Variants in ZSWIM4 observed in about 807,000 individuals in gnomAD.
ZSWIM4 encodes zinc finger SWIM domain-containing protein 4.
ZSWIM4 carries 62 observed loss-of-function variants against 102.5 expected under a neutral mutation model. That is an observed-to-expected ratio of 0.60 (90% confidence interval 0.49 to 0.75). ZSWIM4 has a LOEUF of 0.75. ZSWIM4 is among the 30% of genes least tolerant of loss of function. The probability of loss-of-function intolerance (pLI) is 0.00; values close to 1 mark genes in which losing one functional copy is unlikely to be tolerated. For missense variants in ZSWIM4, 1,280 were observed against 1,529.6 expected (o/e 0.84, Z 2.72); for synonymous variants, 652 against 674.5 (o/e 0.97, Z 0.52).
Position 13,809,007 on chromosome 19 carries a change from G to A in ZSWIM4, c.861+23G>A, listed in dbSNP as rs1052603571. ...AAGGTGCCGTGCGGGCCGGCGGGGC[G>A]CGGGGTGCAGAAGGCCCCGGCGGAC... is the stretch of plus-strand genomic sequence containing the variant. On this transcript the variant is annotated intron_variant, in intron 4 of 13. Transcript: ENST00000590508. The surrounding 1 kb of genome is among the most constrained non-coding windows in gnomAD (Gnocchi z 4.2). 1 of 1,609,174 alleles carries A rather than the reference G, an allele frequency of 6.2e-7. No individual in the cohort carries two copies. Among genetic ancestry groups the A allele is most frequent in the Non-Finnish European group, 8.5e-7 (1 of 1,176,724 alleles).
chr19:13,817,882 C>A lies in ZSWIM4; in HGVS notation c.1830C>A (p.Arg610=). 1 of 1,551,216 alleles carries A rather than the reference C, an allele frequency of 6.4e-7. No individual in the cohort carries two copies. The highest frequency in any genetic ancestry group is 8.7e-7 in the Non-Finnish European group (1 of 1,146,916). ...EGLYAQDKVV[R]NEEQLLALLE... ...TGTACGCCCAGGACAAGGTGGTGCGCAACGAGGAGCAGCTGCTGGCCCTGC... is the reference window on the plus strand; with the variant it reads ...TGTACGCCCAGGACAAGGTGGTGCGAAACGAGGAGCAGCTGCTGGCCCTGC... Residue 610 remains arginine, a synonymous_variant, in exon 9 of 14, where the codon CGC becomes CGA. Transcript: ENST00000590508.
In ZSWIM4 at chr19:13,831,088, C is replaced by A. The variant is rs771067856; in HGVS notation, c.*38C>A. 2.6e-6 allele frequency: 4 copies of A among 1,519,758 alleles called. No individual in the cohort carries two copies. Among genetic ancestry groups the A allele is most frequent in the Non-Finnish European group, 2.6e-6 (3 of 1,140,658 alleles). 94.1% of individuals were successfully genotyped at this position (1,519,758 alleles called of 1,614,324 possible). ...TGCGTGGGAGTGGGGATCCCCCTCG[C>A]CCCTGCGTCCCCCACCCTTGCTCTC... On this transcript the variant is annotated 3_prime_UTR_variant, in exon 14 of 14. Transcript: ENST00000590508.
Position 13,804,980 on chromosome 19 carries a change from G to A in ZSWIM4, c.544G>A (p.Val182Met), listed in dbSNP as rs1974878407. ...GTACCGCATTCGGCACGCCCACCAG[G>A]TGGAGCTGCGGCTGCCCATCTCCGA... Reference protein sequence around the residue: ...SLYRIRHAHQVELRLPISETL... With the variant: ...SLYRIRHAHQMELRLPISETL... The change falls in exon 3 of 14, where the codon GTG becomes ATG. Residue 182 changes from valine to methionine, a missense_variant. Val to Met is a conservative substitution (Grantham distance 21, BLOSUM62 1). Transcript: ENST00000590508. The A allele has an allele frequency of 6.2e-7, 1 of 1,613,020 alleles. No individual in the cohort carries two copies. Among genetic ancestry groups the A allele is most frequent in the Non-Finnish European group, 8.5e-7 (1 of 1,180,032 alleles).
chr19:13,819,902 G>A (rs377357633), intron 10 of ZSWIM4, among the ~76,000 whole-genome samples: 1 of 149,640 alleles, frequency 6.7e-6, no homozygotes, highest in African/African-American at 2.5e-5. Context: ...GGAGTGCAGT[G>A]GCGCGATCTC....
At chr19:13,811,504 C>T (rs902220171) in intron 5 of ZSWIM4, among the ~76,000 whole-genome samples, 33 of 151,186 alleles carry the variant, frequency 2.2e-4, no homozygotes, top group South Asian at 4.2e-4. Flanking sequence ...CACTCCAGCC[C>T]GGGCAACAGA....
intron 12 of ZSWIM4, among the ~76,000 whole-genome samples, chr19:13,827,102 TAGTG>T (rs1434477649): frequency 1.3e-5 from 2 of 151,186 alleles, no homozygotes; most frequent in African/African-American, 4.9e-5. Context: ...CTGGACAACA[TAGTG>T]AGACCCCCAT....
At chr19:13,827,325 C>T (rs561830456) in intron 12 of ZSWIM4, among the ~76,000 whole-genome samples, 35 of 151,724 alleles carry the variant, frequency 2.3e-4, no homozygotes, top group South Asian at 1.3e-3. Context: ...GAAGTTGGGG[C>T]CAGGCCCTGT....
At position 13,817,221 on chromosome 19, in the gene ZSWIM4, C is replaced by T; in HGVS notation, c.1537C>T (p.Leu513Phe). 3.7e-6 allele frequency: 6 copies of T among 1,612,282 alleles called. No individual in the cohort carries two copies. The highest frequency in any genetic ancestry group is 1.7e-5 in the Admixed American group (1 of 59,912). The change falls in exon 8 of 14, where the codon CTC becomes TTC. Residue 513 changes from leucine (L) to phenylalanine (F), a missense_variant. Physicochemically the swap from Leu to Phe is conservative, Grantham distance 22 (BLOSUM62 0). Transcript: ENST00000590508. ...ESYKQQKKEL[L>F]QKGSTCITNT... ...CCCCCTCTTTCCACCTGCAGAGCTG[C>T]TCCAGAAGGGCTCCACCTGCATCAC...
intron 3 of ZSWIM4, among the ~76,000 whole-genome samples, chr19:13,806,738 G>A (rs909542922): frequency 2.0e-5 from 3 of 152,066 alleles, no homozygotes; most frequent in Non-Finnish European, 4.4e-5. Flanking sequence ...GTTGGGTGGG[G>A]AGGGCTTTGA....
intron 2 of ZSWIM4, among the ~76,000 whole-genome samples, chr19:13,802,647 T>C (rs531032136): frequency 6.6e-6 from 1 of 151,002 alleles, no homozygotes; most frequent in East Asian, 2.0e-4. Context: ...GGCGCGATAA[T>C]AGCTCACTGC....
rs186368011 is a variant in ZSWIM4 at position 13,830,082 on chromosome 19, A to G, written c.2462-109A>G. 6.1e-5 allele frequency: 83 copies of G among 1,370,688 alleles called. No individual in the cohort carries two copies. The African/African-American group carries it at 1.0e-3, about 17-fold the overall frequency. The allele number at this position is 1,370,688 out of a possible 1,614,324, so 84.9% of individuals were successfully genotyped here. A position where few individuals can be genotyped will look rare whatever the true frequency, so the allele number is the denominator to read the frequency against. On this transcript the variant is annotated intron_variant, in intron 13 of 13. Coordinates refer to ENST00000590508, the MANE Select transcript of ZSWIM4 (RefSeq NM_001367834.3). ...TTTGGAAAGGAAGTTTCTGTTCAGCATGGTGTGGAGGTGGAAGTGGAGGTG... is the reference window on the plus strand; with the variant it reads ...TTTGGAAAGGAAGTTTCTGTTCAGCGTGGTGTGGAGGTGGAAGTGGAGGTG...
At chr19:13,815,692 G>A (rs896524407) in intron 7 of ZSWIM4, among the ~76,000 whole-genome samples, 66 of 148,850 alleles carry the variant, frequency 4.4e-4, no homozygotes, top group Admixed American at 1.8e-3. Flanking sequence ...GGCTCTTCTC[G>A]AACTCCTGAC....
chr19:13,804,718 G>A (rs549044852), intron 2 of ZSWIM4, 74 bp from the exon 3 acceptor site: 70 of 1,266,880 alleles, frequency 5.5e-5, no homozygotes, highest in South Asian at 2.0e-4. Context: ...CTTTGCAACC[G>A]GGTCTTGCTG....
At position 13,814,519 on chromosome 19, in the gene ZSWIM4, G is replaced by A. The variant is rs758317724; in HGVS notation, c.1185G>A (p.Ser395=). ...ATGTTGGGTGCCTCTCTGCAGGCTC[G>A]GAGGAAGAGGAAGAGGTGGCAGCCA... The part of the protein sequence containing the change: ...LQPTMAPAPG[S]EEEEEVAATS... The change falls in exon 7 of 14, where the codon TCG becomes TCA. Residue 395 remains serine (S), a synonymous_variant. Transcript: ENST00000590508. 17 of 1,158,814 alleles carry A rather than the reference G, an allele frequency of 1.5e-5. No homozygotes were observed. In the Admixed American group the frequency reaches 2.2e-4, roughly 15 times the overall value. The allele number at this position is 1,158,814 out of a possible 1,614,324, so 71.8% of individuals were successfully genotyped here.
chr19:13,802,006 C>T (rs1282618155), intron 2 of ZSWIM4, among the ~76,000 whole-genome samples: 87 of 90,706 alleles, frequency 9.6e-4, no homozygotes, highest in East Asian at 2.5e-3. Context: ...GATGGAGTCT[C>T]ACTCTGTTGC....
At chr19:13,816,049 G>GGGAA (rs1238286726) in intron 7 of ZSWIM4, among the ~76,000 whole-genome samples, 2 of 149,802 alleles carry the variant, frequency 1.3e-5, no homozygotes, top group African/African-American at 2.5e-5. Flanking sequence ...GGAGAGAGAG[G>GGGAA]GGAAGGAAGG....
In ZSWIM4 at chr19:13,830,441, G is replaced by A. The variant is rs138305620; in HGVS notation, c.2712G>A (p.Ala904=). The change falls in exon 14 of 14, where the codon GCG becomes GCA. Residue 904 remains alanine (A), a synonymous_variant. Transcript: ENST00000590508. The part of the protein sequence containing the change: ...LCEKNHSAFE[A]AYQIVLDAAA... ...AGAAGAACCACTCGGCCTTCGAGGC[G>A]GCCTACCAGATCGTGCTGGACGCGG... 1.1e-3 allele frequency: 1,815 copies of A among 1,608,498 alleles called. 5 individuals carry two copies. The highest frequency in any genetic ancestry group is 1.1e-3 in the Non-Finnish European group (1,311 of 1,179,882).
At chr19:13,800,065 A>ATTT (rs71170569) in intron 2 of ZSWIM4, 144 bp downstream of exon 2, 312 of 384,798 alleles carry the variant, frequency 8.1e-4, no homozygotes, top group Middle Eastern at 1.4e-3. Flanking sequence ...ATTGTACAAG[A>ATTT]TTTTTTTTTT....
Position 13,817,870 on chromosome 19 carries a change from C to T in ZSWIM4, c.1818C>T (p.Asp606=). Residue 606 remains aspartate, a synonymous_variant, in exon 9 of 14, where the codon GAC becomes GAT. Coordinates refer to ENST00000590508, the MANE Select transcript of ZSWIM4 (RefSeq NM_001367834.3). ...TGCCGGAGGGGCTGTACGCCCAGGA[C>T]AAGGTGGTGCGCAACGAGGAGCAGC... ...RALPEGLYAQ[D]KVVRNEEQLL... 1 of 1,554,390 alleles carries T rather than the reference C, an allele frequency of 6.4e-7. No homozygotes were observed. The highest frequency in any genetic ancestry group is 8.7e-7 in the Non-Finnish European group (1 of 1,148,640).
Sources: gnomAD v4.1 joint callset for allele counts (sites outside exome capture counted in the v4.1 genomes callset) on GRCh38, gnomAD v4.1.1 for gene constraint, Gnocchi (gnomAD v3.1) non-coding constraint, MANE v1.5 for transcripts, NCBI Gene and HGNC (gene_info 2026-07-23, HGNC 2026-07-21) for gene names.